ZFR: variants seen among roughly 807,000 people sequenced by gnomAD.
The protein encoded by ZFR is zinc finger RNA binding protein.
A neutral mutation model predicts 130.7 loss-of-function variants in ZFR; 19 were observed. The ratio of observed to expected loss-of-function variants is 0.15; its 90% CI spans 0.10 to 0.21. The LOEUF is 0.21. ZFR is among the 10% of genes least tolerant of loss of function. The pLI, the probability that ZFR is intolerant of heterozygous loss-of-function variation, is 1.00. For synonymous variants in ZFR, 466 were observed against 456.9 expected, an observed-to-expected ratio of 1.02 and a Z score of -0.25; for missense variants, 872 against 1,321.5, an observed-to-expected ratio of 0.66 and a Z score of 5.27.
At chr5:32,388,345 A>G (rs1753083363) in intron 13 of ZFR, 124 bp downstream of exon 13, 2 of 900,810 alleles carry the variant, frequency 2.2e-6, no homozygotes, top group Middle Eastern at 3.0e-4. Flanking sequence ...AATATCGAAC[A>G]CAGGCATGGT....
At chr5:32,376,666 C>T (rs1244746369) in intron 17 of ZFR, among the ~76,000 whole-genome samples, 1 of 149,070 alleles carries the variant, frequency 6.7e-6, no homozygotes, top group Non-Finnish European at 1.5e-5. Flanking sequence ...ATACAAAATC[C>T]AGAAATGATA....
At position 32,363,440 on chromosome 5, in the gene ZFR, C is replaced by A. The variant is rs981907430; in HGVS notation, c.3045+508G>T. On this transcript the variant is annotated intron_variant, in intron 19 of 19. Coordinates refer to ENST00000265069, the MANE Select transcript of ZFR (RefSeq NM_016107.5). Reference sequence around the variant, plus strand: ...TAACTCATTTAATCTTCTCAACAATCCTGTTTGAGACAGATACTGCTTTTA... The same window carrying A: ...TAACTCATTTAATCTTCTCAACAATACTGTTTGAGACAGATACTGCTTTTA... Among the ~76,000 whole-genome samples, 9 of 152,292 alleles carry A rather than the reference C, an allele frequency of 5.9e-5. No individual in the cohort carries two copies. The East Asian group carries it at 1.7e-3, about 29-fold the overall frequency.
intron 8 of ZFR, among the ~76,000 whole-genome samples, chr5:32,401,901 A>AT (rs1753456310): frequency 1.3e-5 from 2 of 152,224 alleles, no homozygotes; most frequent in Admixed American, 1.3e-4. Context: ...GGAGAAGGCA[A>AT]TAAAAACAAA....
At chr5:32,406,330 T>C (rs1269544735) in intron 6 of ZFR, among the ~76,000 whole-genome samples, 1 of 152,196 alleles carries the variant, frequency 6.6e-6, no homozygotes, top group Non-Finnish European at 1.5e-5. Context: ...ATAAAGTATA[T>C]ATCAAAGTCA....
Position 32,355,820 on chromosome 5 carries a change from A to G in ZFR, c.3165T>C (p.Asp1055=), listed in dbSNP as rs748148873. ...HNNRKRRRDS[D]GVDGFEAEGK... The stretch of plus-strand genomic sequence containing the variant: ...CCTCAGCTTCAAATCCATCAACTCC[A>G]TCACTATCTCTTCTTCGTTTCCTGT... Residue 1055 remains aspartate (D), a synonymous_variant, in exon 20 of 20, where the codon GAT becomes GAC. Transcript: ENST00000265069. 1.9e-6 allele frequency: 3 copies of G among 1,610,150 alleles called. No individual in the cohort carries two copies. In the South Asian group the frequency reaches 3.3e-5, roughly 18 times the overall value.
chr5:32,404,482 C>T (rs1753536253), intron 6 of ZFR, among the ~76,000 whole-genome samples: 1 of 152,006 alleles, frequency 6.6e-6, no homozygotes, highest in Admixed American at 6.6e-5. Flanking sequence ...GTGCCTATAC[C>T]ATTAGAAGAA....
At position 32,369,485 on chromosome 5, in the gene ZFR, T is replaced by TAAAACAAAACAAAACAAAAC. The variant is rs70961625; in HGVS notation, c.2836-5230_2836-5211dup. 2.7e-3 allele frequency among the ~76,000 whole-genome samples: 413 copies of TAAAACAAAACAAAACAAAAC among 150,838 alleles called. 1 individual carries two copies. Among genetic ancestry groups the TAAAACAAAACAAAACAAAAC allele is most frequent in the African/African-American group, 8.1e-3 (329 of 40,730 alleles). The stretch of plus-strand genomic sequence containing the variant: ...CCTTTACATTTGATATATCATTCTT[T>TAAAACAAAACAAAACAAAAC]AAAACAAAACAAAACAAAACAAAAC... On this transcript the variant is annotated intron_variant, in intron 17 of 19. Coordinates refer to ENST00000265069, the MANE Select transcript of ZFR (RefSeq NM_016107.5).
intron 12 of ZFR, among the ~76,000 whole-genome samples, chr5:32,389,298 A>G (rs1753108605): frequency 6.6e-6 from 1 of 152,198 alleles, no homozygotes; most frequent in South Asian, 2.1e-4. Context: ...AAGAAGGAAA[A>G]AAGATTCTAA....
intron 2 of ZFR, 77 bp from the exon 3 acceptor site, chr5:32,420,180 T>A: frequency 7.4e-7 from 1 of 1,345,618 alleles, no homozygotes; most frequent in Non-Finnish European, 9.6e-7. Context: ...TAAAAGCTAT[T>A]CAACTGAAAT....
At chr5:32,410,797 T>A (rs1753690512) in intron 5 of ZFR, among the ~76,000 whole-genome samples, 1 of 151,990 alleles carries the variant, frequency 6.6e-6, no homozygotes, top group Non-Finnish European at 1.5e-5. Context: ...ACCAAAATTG[T>A]AGCTGCCAAA....
chr5:32,379,911 CAG>C lies in ZFR; in HGVS notation c.2739+162_2739+163del, dbSNP rs1026694107. 9.4e-6 allele frequency: 5 copies of C among 532,302 alleles called. No individual in the cohort carries two copies. The Admixed American group carries it at 1.6e-4, about 17-fold the overall frequency. 33.0% of individuals were successfully genotyped at this position (532,302 alleles called of 1,614,324 possible). On this transcript the variant is annotated intron_variant, in intron 16 of 19. Transcript: ENST00000265069. The stretch of plus-strand genomic sequence containing the variant: ...TCAAATTAATAATAACTGCAATATG[CAG>C]ATCATCATACCCAGCTTTCTATGTT...
intron 17 of ZFR, among the ~76,000 whole-genome samples, chr5:32,367,658 T>C (rs1752576712): frequency 6.6e-6 from 1 of 152,012 alleles, no homozygotes; most frequent in South Asian, 2.1e-4. Flanking sequence ...AAGTGATCTT[T>C]CCATCTTCGT....
chr5:32,442,410 T>C (rs905811526), intron 2 of ZFR, among the ~76,000 whole-genome samples: 4 of 152,202 alleles, frequency 2.6e-5, no homozygotes, highest in Admixed American at 6.5e-5. Flanking sequence ...CAAAAACCAC[T>C]TGTACCCCAA....
intron 19 of ZFR, among the ~76,000 whole-genome samples, chr5:32,359,983 C>T (rs1448430505): frequency 6.6e-6 from 1 of 151,744 alleles, no homozygotes; most frequent in African/African-American, 2.4e-5. Context: ...TTCCTTGTTA[C>T]TTCATGAATA....
chr5:32,440,891 C>A (rs1754457121), intron 2 of ZFR, among the ~76,000 whole-genome samples: 1 of 152,118 alleles, frequency 6.6e-6, no homozygotes, highest in African/African-American at 2.4e-5. Flanking sequence ...CAAATATTAA[C>A]AAGCTAAAAA....
At chr5:32,366,546 A>C (rs1752549165) in intron 17 of ZFR, among the ~76,000 whole-genome samples, 3 of 152,238 alleles carry the variant, frequency 2.0e-5, no homozygotes, top group African/African-American at 7.2e-5. Flanking sequence ...CAATAAAACT[A>C]ATCAACTACC....
At chr5:32,418,272 G>T (rs200913842) in intron 3 of ZFR, among the ~76,000 whole-genome samples, 1 of 97,226 alleles carries the variant, frequency 1.0e-5, no homozygotes, top group Non-Finnish European at 2.2e-5. Flanking sequence ...AAAAAAAAAA[G>T]AAAAAAAAAA....
At chr5:32,411,705 ATTG>A (rs199891251) in intron 5 of ZFR, among the ~76,000 whole-genome samples, 1,087 of 10,844 alleles carry the variant, frequency 0.1, 80 homozygotes, top group African/African-American at 0.25. Flanking sequence ...AAAAAAAAAA[ATTG>A]AGGGGGGGCG....
chr5:32,443,770 C>T (rs1434918192), intron 2 of ZFR, among the ~76,000 whole-genome samples: 4 of 152,234 alleles, frequency 2.6e-5, no homozygotes, highest in Non-Finnish European at 5.9e-5. Flanking sequence ...AGGCGTCGCA[C>T]GAGAAGCCAG....
Sources: gnomAD v4.1 joint callset for allele counts (sites outside exome capture counted in the v4.1 genomes callset) on GRCh38, gnomAD v4.1.1 for gene constraint, MANE v1.5 for transcripts, NCBI Gene and HGNC (gene_info 2026-07-23, HGNC 2026-07-21) for gene names.